C19orf47: variants seen among roughly 807,000 people sequenced by gnomAD.
C19orf47 encodes the protein uncharacterized protein C19orf47.
In C19orf47, 18 loss-of-function variants were observed where a neutral mutation model predicts 32.3. The observed-to-expected ratio is 0.56, with a 90% CI of 0.39 to 0.83. C19orf47 has a LOEUF of 0.83. Ranked by LOEUF, C19orf47 falls within the 40% of genes least tolerant of loss-of-function variation. C19orf47 has a pLI of 0.00. For synonymous variants in C19orf47, 202 were observed against 211.1 expected (o/e 0.96, Z 0.37); for missense variants, 484 against 531.6 (o/e 0.91, Z 0.88).
At chr19:40,333,115 G>A (rs998280497) in intron 5 of C19orf47, among the ~76,000 whole-genome samples, 7 of 151,686 alleles carry the variant, frequency 4.6e-5, no homozygotes, top group Non-Finnish European at 7.4e-5. Context: ...AAAATTAGCC[G>A]GGTGTGGTGA....
chr19:40,322,056 G>A lies in C19orf47; in HGVS notation c.984C>T (p.Ala328=). 1 of 1,614,178 alleles carries A rather than the reference G, an allele frequency of 6.2e-7. No homozygotes were observed. Among genetic ancestry groups the A allele is most frequent in the South Asian group, 1.1e-5 (1 of 91,084 alleles). The change falls in exon 9 of 9, where the codon GCC becomes GCT. Residue 328 remains alanine, a synonymous_variant. Coordinates refer to ENST00000683109, the MANE Select transcript of C19orf47 (RefSeq NM_001256441.2). ...RLGAAALVPE[A]QDSQVTSTKS... ...TGGTGCTGGTGACCTGGCTGTCCTG[G>A]GCCTCGGGCACAAGGGCAGCTGCGC...
intron 7 of C19orf47, among the ~76,000 whole-genome samples, chr19:40,325,912 T>C (rs1320165035): frequency 6.6e-6 from 1 of 152,184 alleles, no homozygotes; most frequent in Non-Finnish European, 1.5e-5. Context: ...AGTGCTGGAA[T>C]TACAGGTGTG....
rs1195969487 is a variant in C19orf47 at position 40,321,688 on chromosome 19, AG to A, written c.*193del. 2 of 1,415,502 alleles carry A rather than the reference AG, an allele frequency of 1.4e-6. No homozygotes were observed. Among genetic ancestry groups the A allele is most frequent in the African/African-American group, 2.9e-5 (2 of 69,326 alleles). 87.7% of individuals were successfully genotyped at this position (1,415,502 alleles called of 1,614,324 possible). ...GAGAAGGGGAGTCCTGGAGCAGGCC[AG>A]GCCAGCTGCGACGACCATCCCAGGC... On this transcript the variant is annotated 3_prime_UTR_variant, in exon 9 of 9. Coordinates refer to ENST00000683109, the MANE Select transcript of C19orf47 (RefSeq NM_001256441.2).
chr19:40,294,578 T>C, the C19orf47 span, among the ~76,000 whole-genome samples: 1 of 152,112 alleles, frequency 6.6e-6, no homozygotes, highest in African/African-American at 2.4e-5. Flanking sequence ...GACTGGTGAG[T>C]TCACAGTTCT....
chr19:40,303,182 T>G, the C19orf47 span, among the ~76,000 whole-genome samples: 1 of 145,384 alleles, frequency 6.9e-6, no homozygotes, highest in Admixed American at 6.9e-5. Context: ...GAGCCAAGAT[T>G]GTGCCATTGC....
the C19orf47 span, among the ~76,000 whole-genome samples, chr19:40,299,753 C>T: frequency 3.3e-5 from 5 of 152,160 alleles, no homozygotes; most frequent in Non-Finnish European, 7.3e-5. Flanking sequence ...TAGCCAGGCA[C>T]GGTGGCTCAC....
chr19:40,308,997 G>GGCTGCAGT, the C19orf47 span, among the ~76,000 whole-genome samples: 1 of 152,130 alleles, frequency 6.6e-6, no homozygotes, highest in Non-Finnish European at 1.5e-5. Flanking sequence ...AGGAGGTCAA[G>GGCTGCAGT]GCTGCAGTAA....
In C19orf47 at chr19:40,321,833, A is replaced by G. The variant is rs374585485; in HGVS notation, c.*49T>C. The G allele has an allele frequency of 4.8e-5, 71 of 1,480,490 alleles. No homozygotes were observed. Among genetic ancestry groups the G allele is most frequent in the Non-Finnish European group, 6.2e-5 (69 of 1,118,442 alleles). The allele number at this position is 1,480,490 out of a possible 1,614,324, so 91.7% of individuals were successfully genotyped here. ...ATGAAGCCAGGAGCCTGGGGCGGCCAGGGCAGATGCCCGCAGGCTCTGCTG... is the reference window on the plus strand; with the variant it reads ...ATGAAGCCAGGAGCCTGGGGCGGCCGGGGCAGATGCCCGCAGGCTCTGCTG... On this transcript the variant is annotated 3_prime_UTR_variant, in exon 9 of 9. Transcript: ENST00000683109.
chr19:40,293,325 T>C, the C19orf47 span, among the ~76,000 whole-genome samples: 11 of 151,958 alleles, frequency 7.2e-5, no homozygotes, highest in African/African-American at 2.2e-4. Context: ...TTTATATTTT[T>C]AGTAGAGATG....
At chr19:40,312,640 AG>A in the C19orf47 span, among the ~76,000 whole-genome samples, 1 of 152,184 alleles carries the variant, frequency 6.6e-6, no homozygotes, top group African/African-American at 2.4e-5. Context: ...CACAGGCCAC[AG>A]GAAGAAGTCA....
Position 40,333,890 on chromosome 19 carries a change from G to C in C19orf47, c.262C>G (p.Pro88Ala). Residue 88 changes from proline to alanine, a missense_variant, in exon 5 of 9, where the codon CCT becomes GCT. Pro to Ala is a conservative substitution (Grantham distance 27). Transcript: ENST00000683109. Reference protein sequence around the residue: ...KAATESVPCSPSPLAGEIRRG... With the variant: ...KAATESVPCSASPLAGEIRRG... ...CGAATTTCGCCTGCAAGGGGGCTAG[G>C]GCTGCAGGGTACTGACTCAGTGGCA... is the stretch of plus-strand genomic sequence containing the variant. The C allele has an allele frequency of 1.3e-6, 2 of 1,580,636 alleles. No individual in the cohort carries two copies. Among genetic ancestry groups the C allele is most frequent in the East Asian group, 2.3e-5 (1 of 43,884 alleles).
chr19:40,307,995 T>A, the C19orf47 span, among the ~76,000 whole-genome samples: 3 of 151,308 alleles, frequency 2.0e-5, no homozygotes, highest in Non-Finnish European at 4.4e-5. Context: ...AAGAGGAAAC[T>A]GAAGAGAGGT....
At chr19:40,317,622 G>A (rs1302171974), downstream of C19orf47, among the ~76,000 whole-genome samples, 3 of 152,026 alleles carry the variant, frequency 2.0e-5, no homozygotes, top group Admixed American at 6.6e-5. Flanking sequence ...CTCTCAAGGC[G>A]AGCAGCATCC....
At chr19:40,312,618 G>A in the C19orf47 span, among the ~76,000 whole-genome samples, 1 of 152,072 alleles carries the variant, frequency 6.6e-6, no homozygotes, top group African/African-American at 2.4e-5. Context: ...CAGCTGCCAT[G>A]CTGTAAGGAA....
At chr19:40,345,580 G>A (rs1326166465) in intron 1 of C19orf47, among the ~76,000 whole-genome samples, 2 of 145,832 alleles carry the variant, frequency 1.4e-5, no homozygotes, top group Admixed American at 7.0e-5. Context: ...GGTGGCTCAC[G>A]CCTGTAATCA....
intron 7 of C19orf47, among the ~76,000 whole-genome samples, chr19:40,325,682 T>C (rs1402705211): frequency 6.6e-6 from 1 of 152,166 alleles, no homozygotes; most frequent in African/African-American, 2.4e-5. Flanking sequence ...ATGTGTTATG[T>C]ATGTACCTAG....
chr19:40,337,490 G>C (rs546943556), intron 2 of C19orf47, among the ~76,000 whole-genome samples: 37 of 151,980 alleles, frequency 2.4e-4, no homozygotes, highest in Admixed American at 1.4e-3. Context: ...ATTCGAAGTA[G>C]AACTTTTTTT....
chr19:40,328,036 C>A (rs1007009561), intron 6 of C19orf47, among the ~76,000 whole-genome samples: 3 of 152,074 alleles, frequency 2.0e-5, no homozygotes, highest in African/African-American at 7.2e-5. Context: ...TAAGAGGAGG[C>A]AAGAGGTTCT....
the C19orf47 span, among the ~76,000 whole-genome samples, chr19:40,300,792 CTTATGA>C: frequency 9.9e-5 from 15 of 152,154 alleles, no homozygotes; most frequent in South Asian, 2.1e-4. Context: ...TCCTAATAAA[CTTATGA>C]TTATAACATT....
Sources: allele counts gnomAD v4.1 joint callset (sites outside exome capture counted in the v4.1 genomes callset), GRCh38; gene constraint gnomAD v4.1.1; transcripts MANE v1.5; gene names NCBI Gene and HGNC (gene_info 2026-07-23, HGNC 2026-07-21).